The following MRPL22 variants were observed in gnomAD, a reference collection of about 807,000 sequenced individuals.
MRPL22 encodes large ribosomal subunit protein uL22m.
A neutral mutation model predicts 32.4 loss-of-function variants in MRPL22; 27 were observed. That is an observed-to-expected ratio of 0.83 (90% CI 0.61 to 1.15). The LOEUF is 1.15. Among genes scored for constraint, MRPL22 ranks in the 50% most tolerant of loss-of-function variants. The pLI is 0.00. For synonymous variants in MRPL22, 86 were observed against 87.3 expected (o/e 0.99, Z 0.08); for missense variants, 239 against 260.2 (o/e 0.92, Z 0.56).
intron 2 of MRPL22, among the ~76,000 whole-genome samples, chr5:154,947,002 T>C (rs542591850): frequency 1.7e-4 from 24 of 143,068 alleles, no homozygotes; most frequent in Admixed American, 1.4e-3. Context: ...GTGTTTATCA[T>C]GGGCTAGACA....
At chr5:154,946,241 T>C (rs1314532633) in intron 2 of MRPL22, among the ~76,000 whole-genome samples, 1 of 152,000 alleles carries the variant, frequency 6.6e-6, no homozygotes, top group Non-Finnish European at 1.5e-5. Flanking sequence ...GGTGATGAGA[T>C]TAGAGATAGA....
intron 3 of MRPL22, among the ~76,000 whole-genome samples, chr5:154,951,743 G>T (rs1764564756): frequency 2.0e-5 from 3 of 151,880 alleles, no homozygotes; most frequent in East Asian, 1.9e-4. Flanking sequence ...CACCATGTTG[G>T]CCAGGCTGGT....
Position 154,949,824 on chromosome 5 carries a change from A to G in MRPL22, c.78-997A>G, listed in dbSNP as rs146930424. Among the ~76,000 whole-genome samples, 148 of 152,288 alleles carry G rather than the reference A, an allele frequency of 9.7e-4. 2 individuals are homozygous for G. The East Asian group carries it at 0.023, about 24-fold the overall frequency. On this transcript the variant is annotated intron_variant, in intron 2 of 6. Coordinates refer to ENST00000523037, the MANE Select transcript of MRPL22 (RefSeq NM_014180.4). ...GATCTTCATCATCAAGTCTCAGCCTATTAGTTTAGCATTCAAAGACAACCA... is the reference window on the plus strand; with the variant it reads ...GATCTTCATCATCAAGTCTCAGCCTGTTAGTTTAGCATTCAAAGACAACCA...
chr5:154,942,711 A>G (rs1033065208), intron 2 of MRPL22, among the ~76,000 whole-genome samples: 1 of 152,240 alleles, frequency 6.6e-6, no homozygotes, highest in African/African-American at 2.4e-5. Flanking sequence ...CCTTCCTTTT[A>G]GCATGTGTGC....
intron 4 of MRPL22, 127 bp from the exon 5 acceptor site, chr5:154,957,008 C>T: frequency 1.2e-6 from 1 of 805,068 alleles, no homozygotes; most frequent in East Asian, 2.5e-5. Context: ...TTGTTTTCTT[C>T]TCTTTTATTT....
intron 3 of MRPL22, among the ~76,000 whole-genome samples, chr5:154,953,848 G>C (rs190808654): frequency 2.0e-5 from 3 of 150,606 alleles, no homozygotes; most frequent in Non-Finnish European, 3.0e-5. Flanking sequence ...CACCACGCCC[G>C]GCTAATTTTG....
chr5:154,958,112 T>G (rs1764655056), intron 5 of MRPL22, among the ~76,000 whole-genome samples: 2 of 151,940 alleles, frequency 1.3e-5, no homozygotes, highest in African/African-American at 4.8e-5. Flanking sequence ...AGAGATGGGA[T>G]TTCACCATAT....
At chr5:154,948,104 A>G (rs1412052599) in intron 2 of MRPL22, among the ~76,000 whole-genome samples, 1 of 152,130 alleles carries the variant, frequency 6.6e-6, no homozygotes, top group Non-Finnish European at 1.5e-5. Context: ...TTTTATTTGG[A>G]TATGCCCAGA....
chr5:154,966,699 A>G lies in MRPL22; in HGVS notation c.423A>G (p.Ser141=), dbSNP rs14922. 198,597 of 1,613,762 alleles carry G rather than the reference A, an allele frequency of 0.12. 12,980 individuals are homozygous for G. The highest frequency in any genetic ancestry group is 0.2 in the Admixed American group (12,032 of 60,020). Residue 141 remains serine (S), a synonymous_variant, in exon 7 of 7, where the codon TCA becomes TCG. Coordinates refer to ENST00000523037, the MANE Select transcript of MRPL22 (RefSeq NM_014180.4). ...CTTCCTGTTTAGCTGAGTCCACCTC[A>G]GGACGAGGCCAGTGCCTGAAACGCA... The part of the protein sequence containing the change: ...RSNLYIAEST[S]GRGQCLKRIR...
rs141863976 is a variant in MRPL22, at chr5:154,960,535, G to A, written c.409+486G>A. ...TCTGTTGAATTGTAAAAGCCAAGGGGCCTTGGAAGGCTCAGATGACCCAGA... is the reference window on the plus strand; with the variant it reads ...TCTGTTGAATTGTAAAAGCCAAGGGACCTTGGAAGGCTCAGATGACCCAGA... On this transcript the variant is annotated intron_variant, in intron 6 of 6. Coordinates refer to ENST00000523037, the MANE Select transcript of MRPL22 (RefSeq NM_014180.4). Among the ~76,000 whole-genome samples the A allele has an allele frequency of 2.9e-3, 439 of 152,258 alleles. 1 individual carries two copies. Among genetic ancestry groups the A allele is most frequent in the Non-Finnish European group, 4.6e-3 (312 of 68,008 alleles).
chr5:154,958,397 A>C (rs952934293), intron 5 of MRPL22, among the ~76,000 whole-genome samples: 2 of 152,030 alleles, frequency 1.3e-5, no homozygotes, highest in Non-Finnish European at 2.9e-5. Context: ...AGACTTCTAA[A>C]GGGTTCCTTT....
intron 6 of MRPL22, among the ~76,000 whole-genome samples, chr5:154,962,491 A>G (rs1240405092): frequency 1.3e-5 from 2 of 152,176 alleles, no homozygotes; most frequent in Non-Finnish European, 2.9e-5. Context: ...CTAGTTACTT[A>G]TTGGCTACTA....
intron 6 of MRPL22, among the ~76,000 whole-genome samples, chr5:154,962,815 A>C (rs1210380701): frequency 6.6e-6 from 1 of 152,228 alleles, no homozygotes; most frequent in Non-Finnish European, 1.5e-5. Flanking sequence ...GACCTTGTAC[A>C]TCAATCTTAT....
intron 2 of MRPL22, among the ~76,000 whole-genome samples, chr5:154,949,671 G>C (rs1764533613): frequency 6.6e-6 from 1 of 152,214 alleles, no homozygotes. Flanking sequence ...CACCATTCAA[G>C]AGTGATTTTA....
chr5:154,951,817 A>C (rs1764566233), intron 3 of MRPL22, among the ~76,000 whole-genome samples: 1 of 152,122 alleles, frequency 6.6e-6, no homozygotes, highest in East Asian at 1.9e-4. Context: ...AAATATCATA[A>C]ATAAAAATTT....
At chr5:154,963,061 C>T (rs2113546416) in intron 6 of MRPL22, among the ~76,000 whole-genome samples, 1 of 152,302 alleles carries the variant, frequency 6.6e-6, no homozygotes, top group Middle Eastern at 3.4e-3. Context: ...GCCTCAGCCT[C>T]CCGAGTAGCT....
chr5:154,951,687 C>T (rs1764563598), intron 3 of MRPL22, among the ~76,000 whole-genome samples: 1 of 151,886 alleles, frequency 6.6e-6, no homozygotes, highest in African/African-American at 2.4e-5. Flanking sequence ...CAGGTGCCCG[C>T]CACGATGACC....
At chr5:154,951,248 A>C (rs17116638) in intron 3 of MRPL22, among the ~76,000 whole-genome samples, 1 of 152,154 alleles carries the variant, frequency 6.6e-6, no homozygotes, top group African/African-American at 2.4e-5. Context: ...AGTTGGCAAG[A>C]ATGACTTAAA....
intron 6 of MRPL22, among the ~76,000 whole-genome samples, chr5:154,963,170 C>A (rs2113546516): frequency 6.6e-6 from 1 of 152,290 alleles, no homozygotes; most frequent in Admixed American, 6.5e-5. Context: ...AACTCCTGAC[C>A]TCAGGTGATC....
Sources: gnomAD v4.1 joint callset for allele counts (sites outside exome capture counted in the v4.1 genomes callset) on GRCh38, gnomAD v4.1.1 for gene constraint, MANE v1.5 for transcripts, NCBI Gene and HGNC (gene_info 2026-07-23, HGNC 2026-07-21) for gene names.